USP54: variants seen among roughly 807,000 people sequenced by gnomAD.
The protein encoded by USP54 is ubiquitin specific peptidase 54, also known as ubiquitin carboxyl-terminal hydrolase 54.
Under a neutral mutation model 170.5 loss-of-function variants are expected in USP54, and 87 were observed. That is an observed-to-expected ratio of 0.51 (90% CI 0.43 to 0.61). The LOEUF (loss-of-function observed/expected upper bound fraction) is 0.61. USP54 is among the 20% of genes least tolerant of loss of function. The pLI, the probability that USP54 is intolerant of heterozygous loss-of-function variation, is 0.00. For synonymous variants in USP54, 655 were observed against 742.8 expected (o/e 0.88, Z 1.92); for missense variants, 1,786 against 2,047.8 (o/e 0.87, Z 2.47).
At chr10:73,602,764 G>A (rs2079283530) in intron 1 of USP54, among the ~76,000 whole-genome samples, 1 of 148,232 alleles carries the variant, frequency 6.7e-6, no homozygotes, top group Non-Finnish European at 1.5e-5. Flanking sequence ...ACTGAGACAG[G>A]AGAACTGCTT....
chr10:73,606,175 CAAAAAA>C (rs1178699732), intron 1 of USP54, among the ~76,000 whole-genome samples: 251 of 25,586 alleles, frequency 9.8e-3, no homozygotes, highest in African/African-American at 0.024. Context: ...GAGGCTGTCT[CAAAAAA>C]AAAAAAAAAA....
At chr10:73,567,790 T>C (rs1194609949) in intron 4 of USP54, among the ~76,000 whole-genome samples, 2 of 152,248 alleles carry the variant, frequency 1.3e-5, no homozygotes, top group African/African-American at 4.8e-5. Flanking sequence ...TCATATCATC[T>C]GCAAATAATG....
chr10:73,524,179 T>G (rs1010749648), intron 16 of USP54, among the ~76,000 whole-genome samples: 2 of 151,486 alleles, frequency 1.3e-5, no homozygotes, highest in Non-Finnish European at 2.9e-5. Context: ...GTGCTGGGAT[T>G]ACATACAGGT....
chr10:73,548,674 AAGAAT>A (rs2068454685), intron 4 of USP54, among the ~76,000 whole-genome samples: 1 of 152,152 alleles, frequency 6.6e-6, no homozygotes, highest in Non-Finnish European at 1.5e-5. Context: ...GTGGGAATTG[AAGAAT>A]GAGAACACTT....
chr10:73,570,946 T>C (rs889600342), intron 4 of USP54, among the ~76,000 whole-genome samples: 3 of 152,042 alleles, frequency 2.0e-5, no homozygotes, highest in African/African-American at 7.2e-5. Context: ...GAGACCAGCC[T>C]GGCCAACATG....
At chr10:73,584,368 T>C (rs2077237941) in intron 1 of USP54, among the ~76,000 whole-genome samples, 2 of 151,780 alleles carry the variant, frequency 1.3e-5, no homozygotes, top group Admixed American at 1.3e-4. Flanking sequence ...AGCCTGGCAA[T>C]GGAGTGAGAC....
At chr10:73,524,263 C>G (rs1416584584) in intron 16 of USP54, among the ~76,000 whole-genome samples, 1 of 151,782 alleles carries the variant, frequency 6.6e-6, no homozygotes, top group African/African-American at 2.4e-5. Context: ...TTCCGGATGG[C>G]ACTTGGGCCA....
chr10:73,543,267 T>TA, intron 5 of USP54, 136 bp from the exon 6 acceptor site: 2 of 631,418 alleles, frequency 3.2e-6, no homozygotes, highest in Non-Finnish European at 5.5e-6. Context: ...ATTTTTAGTT[T>TA]AAAAAAATTA....
chr10:73,593,122 GC>G (rs139931274), upstream of USP54, among the ~76,000 whole-genome samples: 5,345 of 152,128 alleles, frequency 0.035, 152 homozygotes, highest in South Asian at 0.11. Context: ...ATTTTGGGAG[GC>G]CATTGCGGGA....
intron 1 of USP54, among the ~76,000 whole-genome samples, chr10:73,580,869 G>A (rs758343203): frequency 2.0e-5 from 3 of 152,104 alleles, no homozygotes; most frequent in African/African-American, 4.8e-5. Flanking sequence ...GTGAGCCACC[G>A]TGCCTGGCAT....
At chr10:73,542,340 T>A (rs887525480) in intron 7 of USP54, among the ~76,000 whole-genome samples, 1 of 152,136 alleles carries the variant, frequency 6.6e-6, no homozygotes, top group Non-Finnish European at 1.5e-5. Context: ...CCTCAAGTGA[T>A]CCGCCCACCT....
At chr10:73,543,501 G>T (rs1288643786) in intron 5 of USP54, among the ~76,000 whole-genome samples, 1 of 151,972 alleles carries the variant, frequency 6.6e-6, no homozygotes, top group Non-Finnish European at 1.5e-5. Flanking sequence ...CGAGTAGCTG[G>T]GACTACAGGC....
chr10:73,501,098 T>C (rs2058020375), intron 22 of USP54, among the ~76,000 whole-genome samples: 1 of 152,106 alleles, frequency 6.6e-6, no homozygotes, highest in Non-Finnish European at 1.5e-5. Context: ...ATCATTCAGG[T>C]CTTTAGCAAA....
At chr10:73,555,447 C>T (rs11000706) in intron 4 of USP54, among the ~76,000 whole-genome samples, 2,519 of 152,304 alleles carry the variant, frequency 0.017, 42 homozygotes, top group Non-Finnish European at 0.026. Flanking sequence ...CTACATATCA[C>T]ACTCATTCCT....
At position 73,571,527 on chromosome 10, in the gene USP54, G is replaced by A. The variant is rs1473695815; in HGVS notation, c.148-14C>T. The stretch of plus-strand genomic sequence containing the variant: ...GTGCCACAAAACCTGATGAGAAAAG[G>A]AAAATATTTCATTACTCTATAAAAA... On this transcript the variant is annotated splice_polypyrimidine_tract_variant and intron_variant, in intron 3 of 23. Coordinates refer to ENST00000687698, the MANE Select transcript of USP54 (RefSeq NM_001391956.1). The A allele has an allele frequency of 2.5e-6, 4 of 1,603,472 alleles. No individual in the cohort carries two copies. The East Asian group carries it at 8.9e-5, about 36-fold the overall frequency.
intron 9 of USP54, 42 bp downstream of exon 9, chr10:73,541,333 C>T (rs369496301): frequency 5.9e-5 from 95 of 1,611,604 alleles, no homozygotes; most frequent in African/African-American, 2.5e-4. Context: ...AATACTAAGA[C>T]GCAAGAACTC....
chr10:73,609,296 CAG>C (rs1564959631), intron 1 of USP54, among the ~76,000 whole-genome samples: 3 of 152,204 alleles, frequency 2.0e-5, no homozygotes, highest in African/African-American at 7.2e-5. Flanking sequence ...ACATCCAAGA[CAG>C]GATGTACCAT....
Position 73,530,216 on chromosome 10 carries a change from A to C in USP54, c.1755T>G (p.Ile585Met). 1 of 1,614,154 alleles carries C rather than the reference A, an allele frequency of 6.2e-7. No individual in the cohort carries two copies. Among genetic ancestry groups the C allele is most frequent in the Non-Finnish European group, 8.5e-7 (1 of 1,180,026 alleles). The change falls in exon 14 of 24, where the codon ATT becomes ATG. Residue 585 changes from isoleucine to methionine, a missense_variant. Ile to Met is a conservative substitution (Grantham distance 10). Transcript: ENST00000687698. ...TTTTGTCCTTACTAAAGATACTGTC[A>C]ATATTCAGAGATTCTCGTTTGGGTC... ...TWRPKRESLN[I>M]DSIFSKDKRK...
At chr10:73,577,395 T>C (rs909196157) in intron 1 of USP54, among the ~76,000 whole-genome samples, 11 of 152,214 alleles carry the variant, frequency 7.2e-5, no homozygotes, top group Non-Finnish European at 1.5e-4. Context: ...CTTCTGTAAA[T>C]TCCCAGACTA....
Sources: gnomAD v4.1 joint callset for allele counts (sites outside exome capture counted in the v4.1 genomes callset) on GRCh38, gnomAD v4.1.1 for gene constraint, MANE v1.5 for transcripts, NCBI Gene and HGNC (gene_info 2026-07-23, HGNC 2026-07-21) for gene names.